The following PHLPP1 variants were observed in gnomAD, a reference collection of about 807,000 sequenced individuals.
PHLPP1 encodes the protein PH domain and leucine rich repeat protein phosphatase 1.
In PHLPP1, 42 loss-of-function variants were observed where a neutral mutation model predicts 117.2. The observed-to-expected ratio is 0.36, with a 90% CI of 0.28 to 0.46. The LOEUF (loss-of-function observed/expected upper bound fraction) is 0.46. PHLPP1 is among the 20% of genes least tolerant of loss of function. PHLPP1 has a pLI of 1.00. For missense variants in PHLPP1, 2,084 were observed against 2,241.9 expected, an observed-to-expected ratio of 0.93 and a Z score of 1.42; for synonymous variants, 1,042 against 970.7, an observed-to-expected ratio of 1.07 and a Z score of -1.37.
intron 1 of PHLPP1, among the ~76,000 whole-genome samples, chr18:62,750,922 A>C (rs972318048): frequency 3.3e-5 from 5 of 152,190 alleles, no homozygotes; most frequent in African/African-American, 1.2e-4. Context: ...AAGAGAGAGA[A>C]ATTTGTGGAG....
chr18:62,953,817 C>T (rs2144469672), intron 12 of PHLPP1, among the ~76,000 whole-genome samples: 1 of 152,306 alleles, frequency 6.6e-6, no homozygotes, highest in East Asian at 1.9e-4. Context: ...ACTGACTGTG[C>T]CACTGGGGAG....
chr18:62,940,969 T>C (rs1253147731), intron 10 of PHLPP1, among the ~76,000 whole-genome samples: 4 of 152,238 alleles, frequency 2.6e-5, no homozygotes, highest in Admixed American at 2.6e-4. Context: ...TTTGCCTGAC[T>C]TTGAACTTTA....
chr18:62,816,453 G>A (rs1238025172), intron 1 of PHLPP1, among the ~76,000 whole-genome samples: 1 of 152,170 alleles, frequency 6.6e-6, no homozygotes, highest in African/African-American at 2.4e-5. Context: ...TGTAATCCCA[G>A]CTACTCAGGA....
intron 2 of PHLPP1, chr18:62,837,592 C>A (rs1291839463): frequency 6.6e-6 from 1 of 151,784 alleles, no homozygotes; most frequent in Non-Finnish European, 1.5e-5. Context: ...GTTTTCATTT[C>A]ACCAATTGCT....
At chr18:62,914,758 T>C (rs1286464296) in intron 8 of PHLPP1, among the ~76,000 whole-genome samples, 155 bp from the exon 9 acceptor site, 6 of 152,246 alleles carry the variant, frequency 3.9e-5, no homozygotes, top group Non-Finnish European at 7.3e-5. Context: ...TTCATCTTGC[T>C]TCTAGAGAAA....
chr18:62,835,191 A>G (rs893655745), intron 2 of PHLPP1, among the ~76,000 whole-genome samples: 16 of 150,554 alleles, frequency 1.1e-4, no homozygotes, highest in Admixed American at 1.1e-3. Context: ...ATACTTATCA[A>G]TGATCCTTTT....
At position 62,895,886 on chromosome 18, in the gene PHLPP1, T is replaced by G; in HGVS notation, c.2319T>G (p.Thr773=). Residue 773 remains threonine (T), a synonymous_variant, in exon 6 of 17, where the codon ACT becomes ACG. Transcript: ENST00000262719. ...TGGGTCTTTCTTTCAATGAATTTAC[T>G]GACATTCCCGAAGTATTGGAGAAAT... is the stretch of plus-strand genomic sequence containing the variant. ...SYLGLSFNEF[T]DIPEVLEKLT... 6.8e-6 allele frequency: 11 copies of G among 1,612,964 alleles called. No homozygotes were observed. The highest frequency in any genetic ancestry group is 9.3e-6 in the Non-Finnish European group (11 of 1,178,930).
chr18:62,953,162 T>G (rs1407975564), intron 12 of PHLPP1, among the ~76,000 whole-genome samples: 2 of 152,250 alleles, frequency 1.3e-5, no homozygotes, highest in East Asian at 3.8e-4. Flanking sequence ...ATTTTACTAT[T>G]AAGCTAAAAT....
Position 62,830,166 on chromosome 18 carries a change from A to G in PHLPP1, c.1708A>G (p.Ile570Val), listed in dbSNP as rs764231438. The G allele has an allele frequency of 6.3e-7, 1 of 1,596,742 alleles. No individual in the cohort carries two copies. The highest frequency in any genetic ancestry group is 2.3e-5 in the East Asian group (1 of 44,324). Residue 570 changes from isoleucine to valine, a missense_variant, in exon 2 of 17, where the codon ATA becomes GTA. This residue lies in a region of PHLPP1 where 1,365 missense variants were observed against 1,605.9 expected (regional missense o/e 0.85). Coordinates refer to ENST00000262719, the MANE Select transcript of PHLPP1 (RefSeq NM_194449.4). ...AGTCATCCTATGTGGGACCTGCCTG[A>G]TAGTATCATCTGTGAAAGACAGCTT... ...RQVILCGTCL[I>V]VSSVKDSLTG...
At chr18:62,925,669 A>G (rs886609746) in intron 10 of PHLPP1, among the ~76,000 whole-genome samples, 1 of 150,308 alleles carries the variant, frequency 6.7e-6, no homozygotes, top group African/African-American at 2.5e-5. Flanking sequence ...TTTTTCAGTG[A>G]CGAGGGCTAT....
chr18:62,718,503 A>C (rs1004241496), intron 1 of PHLPP1, among the ~76,000 whole-genome samples: 1 of 152,172 alleles, frequency 6.6e-6, no homozygotes, highest in Non-Finnish European at 1.5e-5. Flanking sequence ...ATGCCCTTTA[A>C]ATTTCTTGGA....
At chr18:62,794,805 T>C (rs7230226) in intron 1 of PHLPP1, among the ~76,000 whole-genome samples, 21,794 of 152,168 alleles carry the variant, frequency 0.14, 3,344 homozygotes, top group African/African-American at 0.39. Flanking sequence ...AACTGGCCCT[T>C]GTTATGTAAA....
At chr18:62,758,203 G>A (rs1479456630) in intron 1 of PHLPP1, among the ~76,000 whole-genome samples, 2 of 152,164 alleles carry the variant, frequency 1.3e-5, no homozygotes, top group East Asian at 3.9e-4. Context: ...AATTGTAATT[G>A]TAACTTTTTT....
chr18:62,944,200 G>A (rs1324688072), intron 11 of PHLPP1, among the ~76,000 whole-genome samples: 1 of 152,076 alleles, frequency 6.6e-6, no homozygotes, highest in Non-Finnish European at 1.5e-5. Flanking sequence ...TGTGCTTCTT[G>A]GAGTCTAACA....
At chr18:62,888,331 G>T (rs868390490) in intron 4 of PHLPP1, among the ~76,000 whole-genome samples, 1 of 123,636 alleles carries the variant, frequency 8.1e-6, no homozygotes, top group East Asian at 2.1e-4. Flanking sequence ...GTGTGTGTGT[G>T]TGTATGTTTT....
rs186714980 is a variant in PHLPP1, at chr18:62,852,391, T to C, written c.1900-8044T>C. On this transcript the variant is annotated intron_variant, in intron 3 of 16. Transcript: ENST00000262719. ...TGGAGTCTCACTGTGTCACCCTGGC[T>C]GGAGTGCAGTGGCCCAATCTCGGCT... Among the ~76,000 whole-genome samples the C allele has an allele frequency of 5.2e-3, 787 of 152,302 alleles. 8 individuals carry two copies. The highest frequency in any genetic ancestry group is 1.0e-2 in the South Asian group (48 of 4,822).
At chr18:62,778,702 A>C (rs1913033783) in intron 1 of PHLPP1, among the ~76,000 whole-genome samples, 1 of 152,188 alleles carries the variant, frequency 6.6e-6, no homozygotes, top group African/African-American at 2.4e-5. Context: ...GCTCCAAAAA[A>C]CACCTTGTAA....
At chr18:62,848,228 A>G (rs966885106) in intron 3 of PHLPP1, among the ~76,000 whole-genome samples, 14 of 152,180 alleles carry the variant, frequency 9.2e-5, no homozygotes, top group African/African-American at 3.4e-4. Context: ...GGTCAGCCCT[A>G]AAAGAAAATA....
chr18:62,969,059 T>G lies in PHLPP1; in HGVS notation c.3561-3455T>G, dbSNP rs558256238. On this transcript the variant is annotated intron_variant, in intron 14 of 16. Coordinates refer to ENST00000262719, the MANE Select transcript of PHLPP1 (RefSeq NM_194449.4). ...ATTTTTGTTTTATGGGTTTTTTGGG[T>G]TTTTTTGTTTGTTTTGTTTGTTTGT... is the stretch of plus-strand genomic sequence containing the variant. Among the ~76,000 whole-genome samples the G allele has an allele frequency of 2.1e-4, 32 of 152,096 alleles. No homozygotes were observed. The South Asian group carries it at 6.6e-3, about 32-fold the overall frequency.
Sources: allele counts gnomAD v4.1 joint callset (sites outside exome capture counted in the v4.1 genomes callset), GRCh38; gene constraint gnomAD v4.1.1; regional missense constraint gnomAD v4.1.1; transcripts MANE v1.5; gene names NCBI Gene and HGNC (gene_info 2026-07-23, HGNC 2026-07-21).